SUCLG2: variants seen among roughly 807,000 people sequenced by gnomAD.
SUCLG2 encodes succinate--CoA ligase [GDP-forming] subunit beta, mitochondrial.
A neutral mutation model predicts 47.9 loss-of-function variants in SUCLG2; 42 were observed. That is an observed-to-expected ratio of 0.88 (90% CI 0.69 to 1.14). The LOEUF (loss-of-function observed/expected upper bound fraction) is 1.14. Ranked by LOEUF, SUCLG2 falls within the 50% of genes most tolerant of loss-of-function variation. The pLI is 0.00. For missense variants in SUCLG2, 571 were observed against 525.9 expected (o/e 1.09, Z -0.84); for synonymous variants, 195 against 197.3 (o/e 0.99, Z 0.10).
At chr3:67,429,204 A>C (rs1021830053) in intron 9 of SUCLG2, among the ~76,000 whole-genome samples, 5 of 152,134 alleles carry the variant, frequency 3.3e-5, no homozygotes, top group Non-Finnish European at 1.5e-5. Flanking sequence ...CCAGAGAGAA[A>C]AGTCGGGTTA....
At chr3:67,561,822 G>A (rs143798277) in intron 2 of SUCLG2, among the ~76,000 whole-genome samples, 87 of 152,274 alleles carry the variant, frequency 5.7e-4, no homozygotes, top group African/African-American at 1.7e-3. Flanking sequence ...GTACATACCA[G>A]TTCAAAAGGC....
chr3:67,539,238 T>C (rs1163225860), intron 2 of SUCLG2, among the ~76,000 whole-genome samples: 2 of 152,226 alleles, frequency 1.3e-5, no homozygotes, highest in Non-Finnish European at 2.9e-5. Flanking sequence ...GTTCCATCAA[T>C]ACCTAGTTTA....
rs189158341 is a variant in SUCLG2 at position 67,599,959 on chromosome 3, C to A, written c.226+9496G>T. Among the ~76,000 whole-genome samples, 428 of 152,290 alleles carry A rather than the reference C, an allele frequency of 2.8e-3. 1 individual carries two copies. Among genetic ancestry groups the A allele is most frequent in the African/African-American group, 9.1e-3 (380 of 41,550 alleles). On this transcript the variant is annotated intron_variant, in intron 2 of 10. Coordinates refer to ENST00000307227, the MANE Select transcript of SUCLG2 (RefSeq NM_003848.4). ...AGAAAACTCAAGTACAGCCTTAGTA[C>A]TATTTATGAACATCTGTTAAACATT...
intron 5 of SUCLG2, among the ~76,000 whole-genome samples, chr3:67,519,183 A>G (rs114255878): frequency 1.6e-3 from 236 of 152,186 alleles, no homozygotes; most frequent in African/African-American, 5.5e-3. Context: ...AAATCTGTAC[A>G]TGTTAGGTCA....
At chr3:67,408,575 G>A in intron 9 of SUCLG2, 1 of 968,804 alleles carries the variant, frequency 1.0e-6, no homozygotes, top group Non-Finnish European at 1.2e-6. Flanking sequence ...CATTCAGGTT[G>A]ACCTCTGAAA....
intron 10 of SUCLG2, among the ~76,000 whole-genome samples, chr3:67,388,750 G>C (rs545283186): frequency 4.5e-4 from 69 of 152,226 alleles, no homozygotes; most frequent in African/African-American, 1.7e-3. Context: ...ACTTTCATTG[G>C]CATAACCCAC....
At chr3:67,509,298 T>C (rs1268618921) in intron 6 of SUCLG2, among the ~76,000 whole-genome samples, 2 of 152,238 alleles carry the variant, frequency 1.3e-5, no homozygotes, top group Non-Finnish European at 2.9e-5. Flanking sequence ...TTTTCCTTAT[T>C]GTGCTGAAAT....
At chr3:67,362,440 T>C (rs547170943) in intron 10 of SUCLG2, among the ~76,000 whole-genome samples, 50 of 152,328 alleles carry the variant, frequency 3.3e-4, no homozygotes, top group African/African-American at 9.9e-4. Flanking sequence ...AATTGCAATA[T>C]ATTTTCATGT....
chr3:67,472,274 T>A (rs1380691013), intron 9 of SUCLG2, among the ~76,000 whole-genome samples: 1 of 152,212 alleles, frequency 6.6e-6, no homozygotes, highest in Non-Finnish European at 1.5e-5. Context: ...TACTGACTTG[T>A]ACATTAAAAA....
At chr3:67,635,865 C>T (rs995768555) in intron 1 of SUCLG2, among the ~76,000 whole-genome samples, 6 of 152,196 alleles carry the variant, frequency 3.9e-5, no homozygotes, top group African/African-American at 1.4e-4. Flanking sequence ...TTTCGACTCC[C>T]CTCCAGGGTC....
intron 2 of SUCLG2, among the ~76,000 whole-genome samples, chr3:67,549,479 A>G (rs1575770953): frequency 6.6e-6 from 1 of 152,230 alleles, no homozygotes; most frequent in Non-Finnish European, 1.5e-5. Context: ...TTTAGAAAAT[A>G]TAGACACAAA....
chr3:67,621,006 G>T (rs557167076), intron 1 of SUCLG2, among the ~76,000 whole-genome samples: 2 of 152,192 alleles, frequency 1.3e-5, no homozygotes, highest in Non-Finnish European at 2.9e-5. Context: ...GGAGAGAGCT[G>T]CATTAAACCA....
At chr3:67,525,065 G>A (rs1706217011) in intron 4 of SUCLG2, among the ~76,000 whole-genome samples, 1 of 152,156 alleles carries the variant, frequency 6.6e-6, no homozygotes, top group African/African-American at 2.4e-5. Context: ...GTATGTGTAA[G>A]ACTGACAAAA....
chr3:67,573,517 T>C (rs1707668756), intron 2 of SUCLG2, among the ~76,000 whole-genome samples: 2 of 152,332 alleles, frequency 1.3e-5, no homozygotes, highest in Admixed American at 6.5e-5. Context: ...CAATGTATTA[T>C]CTTACAATTC....
intron 10 of SUCLG2, among the ~76,000 whole-genome samples, chr3:67,396,208 C>A (rs952493028): frequency 6.6e-6 from 1 of 151,978 alleles, no homozygotes; most frequent in Non-Finnish European, 1.5e-5. Context: ...ACAAAAAACC[C>A]TTCAAAAAAT....
chr3:67,419,235 G>A (rs895761236), intron 9 of SUCLG2, among the ~76,000 whole-genome samples: 1 of 152,164 alleles, frequency 6.6e-6, no homozygotes, highest in African/African-American at 2.4e-5. Flanking sequence ...TCTAAATCAT[G>A]TCTGTAATTT....
At chr3:67,600,743 A>C (rs1246866717) in intron 2 of SUCLG2, among the ~76,000 whole-genome samples, 2 of 152,306 alleles carry the variant, frequency 1.3e-5, no homozygotes, top group South Asian at 4.1e-4. Context: ...AAATTTCTAC[A>C]TGCAATCCTC....
At chr3:67,645,239 A>T (rs1314365066) in intron 1 of SUCLG2, among the ~76,000 whole-genome samples, 1 of 152,174 alleles carries the variant, frequency 6.6e-6, no homozygotes, top group African/African-American at 2.4e-5. Context: ...TATAGTCATA[A>T]AAGCTATTTT....
At chr3:67,653,402 T>C (rs561082477) in intron 1 of SUCLG2, among the ~76,000 whole-genome samples, 2 of 152,158 alleles carry the variant, frequency 1.3e-5, no homozygotes, top group Admixed American at 1.3e-4. Flanking sequence ...CCTTTTAAAT[T>C]TACATTAACA....
Sources: gnomAD v4.1 joint callset for allele counts (sites outside exome capture counted in the v4.1 genomes callset) on GRCh38, gnomAD v4.1.1 for gene constraint, MANE v1.5 for transcripts, NCBI Gene and HGNC (gene_info 2026-07-23, HGNC 2026-07-21) for gene names.